Variants in ADAMTS17 observed in about 807,000 individuals in gnomAD.
ADAMTS17 encodes A disintegrin and metalloproteinase with thrombospondin motifs 17.
ADAMTS17 carries 113 observed loss-of-function variants against 141.5 expected under a neutral mutation model. The observed-to-expected ratio is 0.80, with a 90% CI of 0.69 to 0.93. The LOEUF is 0.93. Ranked by LOEUF, ADAMTS17 falls within the 40% of genes least tolerant of loss-of-function variation. The pLI, the probability that ADAMTS17 is intolerant of heterozygous loss-of-function variation, is 0.00. For synonymous variants in ADAMTS17, 768 were observed against 630.6 expected (o/e 1.22, Z -3.27); for missense variants, 1,659 against 1,517.9 (o/e 1.09, Z -1.54).
At chr15:100,169,161 G>T (rs1596171946) in intron 8 of ADAMTS17, among the ~76,000 whole-genome samples, 1 of 152,188 alleles carries the variant, frequency 6.6e-6, no homozygotes, top group South Asian at 2.1e-4. Context: ...GGCATTCAGA[G>T]AACCTGAACA....
At chr15:100,126,975 C>G (rs533581981) in intron 12 of ADAMTS17, among the ~76,000 whole-genome samples, 31 of 152,246 alleles carry the variant, frequency 2.0e-4, no homozygotes, top group Non-Finnish European at 4.0e-4. Flanking sequence ...TAAGCAGCAC[C>G]CCATTTGAAG....
At chr15:100,294,873 G>A (rs2044756838) in intron 3 of ADAMTS17, among the ~76,000 whole-genome samples, 1 of 152,178 alleles carries the variant, frequency 6.6e-6, no homozygotes. Flanking sequence ...ACATAGGTGG[G>A]GAAAATGAAA....
intron 18 of ADAMTS17, among the ~76,000 whole-genome samples, chr15:100,025,538 A>G (rs2061496129): frequency 6.7e-6 from 1 of 149,826 alleles, no homozygotes; most frequent in Admixed American, 6.6e-5. Context: ...CAGCCTCCCC[A>G]GTAGCTGGGA....
chr15:100,253,533 G>GAGGGGAAGGGAGA (rs1555494979), intron 7 of ADAMTS17, among the ~76,000 whole-genome samples: 1 of 24,914 alleles, frequency 4.0e-5, no homozygotes. Flanking sequence ...GAAGATAAGG[G>GAGGGGAAGGGAGA]AGGGGAAGGG....
At chr15:100,260,360 T>C (rs550732096) in intron 6 of ADAMTS17, among the ~76,000 whole-genome samples, 215 of 152,142 alleles carry the variant, frequency 1.4e-3, no homozygotes, top group African/African-American at 5.0e-3. Context: ...ACACCTGTAA[T>C]CCTAGCATTT....
intron 12 of ADAMTS17, among the ~76,000 whole-genome samples, chr15:100,119,146 T>G (rs1235103494): frequency 2.0e-5 from 3 of 151,554 alleles, no homozygotes; most frequent in African/African-American, 7.3e-5. Context: ...GAACAGATTC[T>G]CCCTCACAGT....
At chr15:100,131,882 GT>G in intron 12 of ADAMTS17, 124 bp downstream of exon 12, 1 of 1,475,300 alleles carries the variant, frequency 6.8e-7, no homozygotes, top group South Asian at 1.2e-5. Flanking sequence ...CCTTGGCTGG[GT>G]TTCATTTTCC....
intron 8 of ADAMTS17, among the ~76,000 whole-genome samples, chr15:100,185,017 AG>A (rs1280882762): frequency 3.3e-5 from 5 of 152,200 alleles, no homozygotes; most frequent in African/African-American, 9.7e-5. Flanking sequence ...CTGGGCCAAG[AG>A]CGCCTGCCTC....
intron 15 of ADAMTS17, among the ~76,000 whole-genome samples, chr15:100,081,109 T>G (rs1373024747): frequency 6.6e-6 from 1 of 152,190 alleles, no homozygotes; most frequent in Non-Finnish European, 1.5e-5. Flanking sequence ...ACCCTTAATC[T>G]GGTGGGCACA....
intron 20 of ADAMTS17, among the ~76,000 whole-genome samples, chr15:99,986,739 A>G (rs2060595131): frequency 6.6e-6 from 1 of 152,212 alleles, no homozygotes. Flanking sequence ...CTCAGAAATC[A>G]TGCTATCTAG....
At chr15:100,080,032 A>G (rs2034628745) in intron 15 of ADAMTS17, among the ~76,000 whole-genome samples, 1 of 152,192 alleles carries the variant, frequency 6.6e-6, no homozygotes, top group Admixed American at 6.5e-5. Flanking sequence ...TATGTTCTGA[A>G]TTAGCATCCA....
chr15:100,204,173 C>T (rs75106824), intron 7 of ADAMTS17, among the ~76,000 whole-genome samples: 9 of 152,296 alleles, frequency 5.9e-5, no homozygotes, highest in South Asian at 4.1e-4. Flanking sequence ...GCTGACCACT[C>T]GACTCTCTCT....
intron 15 of ADAMTS17, among the ~76,000 whole-genome samples, chr15:100,083,135 C>T (rs550124394): frequency 4.6e-5 from 7 of 152,268 alleles, no homozygotes; most frequent in Admixed American, 2.0e-4. Context: ...TGAGGTGTGT[C>T]GCTTCCCCGC....
chr15:100,033,020 T>C (rs1462341193), intron 18 of ADAMTS17, among the ~76,000 whole-genome samples: 3 of 152,198 alleles, frequency 2.0e-5, no homozygotes, highest in African/African-American at 7.2e-5. Context: ...TTCTCTACTT[T>C]TACAATAATC....
chr15:100,132,884 C>T (rs542041031), intron 11 of ADAMTS17, among the ~76,000 whole-genome samples: 3 of 152,302 alleles, frequency 2.0e-5, no homozygotes, highest in South Asian at 2.1e-4. Flanking sequence ...ATTATTTTTA[C>T]GAGAGCCTAC....
intron 3 of ADAMTS17, among the ~76,000 whole-genome samples, chr15:100,326,294 G>A (rs74037839): frequency 1.3e-5 from 2 of 152,258 alleles, no homozygotes; most frequent in African/African-American, 4.8e-5. Flanking sequence ...AGATGTAGAA[G>A]GACAGGAAAG....
chr15:100,311,275 G>A (rs1392849712), intron 3 of ADAMTS17, among the ~76,000 whole-genome samples: 1 of 152,158 alleles, frequency 6.6e-6, no homozygotes, highest in African/African-American at 2.4e-5. Context: ...GGAGCTGGCA[G>A]GGACCTCTCT....
At chr15:100,084,612 C>T (rs1480313061) in intron 15 of ADAMTS17, among the ~76,000 whole-genome samples, 1 of 152,228 alleles carries the variant, frequency 6.6e-6, no homozygotes, top group South Asian at 2.1e-4. Flanking sequence ...CGGACTGACA[C>T]CTCACACGAC....
At chr15:100,001,920 G>T (rs1166517190) in intron 18 of ADAMTS17, among the ~76,000 whole-genome samples, 1 of 133,282 alleles carries the variant, frequency 7.5e-6, no homozygotes, top group Non-Finnish European at 1.5e-5. Flanking sequence ...AGTGAGCCGA[G>T]ATTGCACCAC....
Sources: allele counts gnomAD v4.1 joint callset (sites outside exome capture counted in the v4.1 genomes callset), GRCh38; gene constraint gnomAD v4.1.1; transcripts MANE v1.5; gene names NCBI Gene and HGNC (gene_info 2026-07-23, HGNC 2026-07-21).